PEBP4: variants seen among roughly 807,000 people sequenced by gnomAD.
PEBP4 encodes the protein phosphatidylethanolamine-binding protein 4.
In PEBP4, 22 loss-of-function variants were observed where a neutral mutation model predicts 23.9. The ratio of observed to expected loss-of-function variants is 0.92; its 90% confidence interval spans 0.66 to 1.31. The LOEUF is 1.31. Ranked by LOEUF, PEBP4 falls within the 40% of genes most tolerant of loss-of-function variation. The pLI is 0.00. For synonymous variants in PEBP4, 112 were observed against 99.3 expected (o/e 1.13, Z -0.76); for missense variants, 324 against 281.7 (o/e 1.15, Z -1.07).
chr8:22,906,932 A>T (rs1808829260), intron 3 of PEBP4, among the ~76,000 whole-genome samples: 1 of 152,236 alleles, frequency 6.6e-6, no homozygotes, highest in Non-Finnish European at 1.5e-5. Context: ...GAAGGTGGTG[A>T]AGGAAAGTGG....
In PEBP4 at chr8:22,920,299, A is replaced by T. The variant is rs962286835; in HGVS notation, c.143T>A (p.Val48Asp). 6.2e-7 allele frequency: 1 copy of T among 1,612,732 alleles called. No individual in the cohort carries two copies. Among genetic ancestry groups the T allele is most frequent in the African/African-American group, 1.3e-5 (1 of 74,862 alleles). Residue 48 changes from valine (V) to aspartate (D), a missense_variant, in exon 3 of 7, where the codon GTT becomes GAT. Val to Asp is a radical substitution (Grantham distance 152). Coordinates refer to ENST00000256404, the MANE Select transcript of PEBP4 (RefSeq NM_144962.3). The part of the protein sequence containing the change: ...EDTLFCQGLE[V>D]FYPELGNIGC... Reference sequence around the variant, plus strand: ...AATGTTCCCCAACTCTGGGTAGAAAACTTCAAGGCCCCTATGAAGAGAGAG... The same window carrying T: ...AATGTTCCCCAACTCTGGGTAGAAATCTTCAAGGCCCCTATGAAGAGAGAG...
intron 4 of PEBP4, among the ~76,000 whole-genome samples, chr8:22,751,969 G>A (rs1360102658): frequency 2.0e-5 from 3 of 152,100 alleles, no homozygotes; most frequent in South Asian, 4.1e-4. Flanking sequence ...TGATCATAGC[G>A]CACTGCAGCC....
rs187964501 is a variant in PEBP4 at position 22,815,641 on chromosome 8, C to T, written c.357+1996G>A. Among the ~76,000 whole-genome samples, 35 of 152,366 alleles carry T rather than the reference C, an allele frequency of 2.3e-4. No homozygotes were observed. In the East Asian group the frequency reaches 6.0e-3, roughly 26 times the overall value. On this transcript the variant is annotated intron_variant, in intron 4 of 6. Coordinates refer to ENST00000256404, the MANE Select transcript of PEBP4 (RefSeq NM_144962.3). Reference sequence around the variant, plus strand: ...GTGCAAATGTGACGGAAACCCGCGCCTCCTCCGGCCTGAGCGGGAAGGCCG... The same window carrying T: ...GTGCAAATGTGACGGAAACCCGCGCTTCCTCCGGCCTGAGCGGGAAGGCCG...
intron 3 of PEBP4, among the ~76,000 whole-genome samples, chr8:22,836,438 T>G (rs1227781383): frequency 6.6e-6 from 1 of 152,248 alleles, no homozygotes; most frequent in Non-Finnish European, 1.5e-5. Context: ...CTCTGGACAC[T>G]TGTGCAATTT....
chr8:22,854,458 C>G (rs1002208442), intron 3 of PEBP4, among the ~76,000 whole-genome samples: 7 of 152,146 alleles, frequency 4.6e-5, no homozygotes, highest in Non-Finnish European at 8.8e-5. Context: ...CCGTAGGGAC[C>G]AGTCTCAGGA....
intron 4 of PEBP4, among the ~76,000 whole-genome samples, chr8:22,761,058 C>G (rs1315704401): frequency 4.6e-5 from 7 of 151,814 alleles, no homozygotes; most frequent in Non-Finnish European, 1.0e-4. Flanking sequence ...CATCAGATCT[C>G]CATCTCCTCC....
At chr8:22,792,190 G>A (rs1367601954) in intron 4 of PEBP4, among the ~76,000 whole-genome samples, 1 of 152,132 alleles carries the variant, frequency 6.6e-6, no homozygotes, top group East Asian at 1.9e-4. Flanking sequence ...CCAAACACAT[G>A]TGAGGGAATC....
In PEBP4 at chr8:22,908,365, AAAACAAAC is replaced by A. The variant is rs752092032; in HGVS notation, c.258+11811_258+11818del. The stretch of plus-strand genomic sequence containing the variant: ...AGTGTGGGTCATGGAGGCCAAGGGG[AAAACAAAC>A]AAACAAACAAACAAACAAACAAAAA... On this transcript the variant is annotated intron_variant, in intron 3 of 6. Transcript: ENST00000256404. Among the ~76,000 whole-genome samples, 199 of 150,682 alleles carry A rather than the reference AAAACAAAC, an allele frequency of 1.3e-3. 2 individuals are homozygous for A. Among genetic ancestry groups the A allele is most frequent in the African/African-American group, 4.5e-3 (183 of 40,838 alleles).
chr8:22,927,985 T>C (rs1326434486), upstream of PEBP4: 2 of 420,702 alleles, frequency 4.8e-6, no homozygotes, highest in Non-Finnish European at 4.3e-6. Context: ...CACAGCTTTG[T>C]TGTCACTCTT....
chr8:22,794,103 A>G (rs911520256), intron 4 of PEBP4, among the ~76,000 whole-genome samples: 14 of 152,004 alleles, frequency 9.2e-5, no homozygotes, highest in African/African-American at 3.1e-4. Flanking sequence ...ATATCTTTAT[A>G]TTGTATTTCT....
chr8:22,714,819 C>G (rs1204289113), intron 6 of PEBP4, among the ~76,000 whole-genome samples: 1 of 152,194 alleles, frequency 6.6e-6, no homozygotes, highest in African/African-American at 2.4e-5. Context: ...TGAAGCGTTG[C>G]TGCCTCCCAG....
intron 4 of PEBP4, among the ~76,000 whole-genome samples, chr8:22,744,386 C>A (rs1805066313): frequency 6.6e-6 from 1 of 152,196 alleles, no homozygotes; most frequent in East Asian, 1.9e-4. Flanking sequence ...TGGACAGGAG[C>A]CACAGGCCAC....
rs150434574 is a variant in PEBP4, at chr8:22,817,661, T to A, written c.333A>T (p.Arg111Ser). 96 of 1,614,078 alleles carry A rather than the reference T, an allele frequency of 5.9e-5. No individual in the cohort carries two copies. In the African/African-American group the frequency reaches 1.3e-3, roughly 21 times the overall value. Reference protein sequence around the residue: ...SRAEPRQRFWRHWLVTDIKGA... With the variant: ...SRAEPRQRFWSHWLVTDIKGA... ...CCTTGATATCTGTTACCAGCCAATGTCTCCAGAATCTCTGTCTGGGTTCTG... is the reference window on the plus strand; with the variant it reads ...CCTTGATATCTGTTACCAGCCAATGACTCCAGAATCTCTGTCTGGGTTCTG... Residue 111 changes from arginine (R) to serine (S), a missense_variant, in exon 4 of 7, where the codon AGA becomes AGT. Arg to Ser is a moderately radical substitution (Grantham distance 110). Transcript: ENST00000256404.
At chr8:22,861,146 C>G (rs1807771564) in intron 3 of PEBP4, among the ~76,000 whole-genome samples, 2 of 152,212 alleles carry the variant, frequency 1.3e-5, no homozygotes, top group African/African-American at 4.8e-5. Context: ...AGAGCTGTTA[C>G]TTGGTTTTTG....
At chr8:22,741,417 T>C (rs936351811) in intron 4 of PEBP4, among the ~76,000 whole-genome samples, 1 of 152,202 alleles carries the variant, frequency 6.6e-6, no homozygotes, top group African/African-American at 2.4e-5. Context: ...CTCATTCTGT[T>C]GTGGCACTTT....
intron 4 of PEBP4, among the ~76,000 whole-genome samples, chr8:22,734,409 C>G (rs1024586505): frequency 6.6e-6 from 1 of 152,214 alleles, no homozygotes; most frequent in Non-Finnish European, 1.5e-5. Flanking sequence ...CTCCTGGGAG[C>G]TGAGTACTTC....
intron 3 of PEBP4, among the ~76,000 whole-genome samples, chr8:22,914,704 C>G (rs935197602): frequency 6.6e-6 from 1 of 152,234 alleles, no homozygotes; most frequent in Non-Finnish European, 1.5e-5. Context: ...GGTGCCCAGC[C>G]CTGCCTTCTC....
intron 3 of PEBP4, chr8:22,879,293 C>T (rs1388346398): frequency 6.6e-6 from 1 of 152,196 alleles, no homozygotes; most frequent in Non-Finnish European, 1.5e-5. Flanking sequence ...CCCACCAGGC[C>T]GTGAGCGCCC....
intron 4 of PEBP4, among the ~76,000 whole-genome samples, chr8:22,773,820 T>C (rs943515210): frequency 2.0e-5 from 3 of 152,116 alleles, no homozygotes; most frequent in Non-Finnish European, 2.9e-5. Context: ...GTGGGGGTCC[T>C]TGCTTTACCT....
Sources: gnomAD v4.1 joint callset for allele counts (sites outside exome capture counted in the v4.1 genomes callset) on GRCh38, gnomAD v4.1.1 for gene constraint, MANE v1.5 for transcripts, NCBI Gene and HGNC (gene_info 2026-07-23, HGNC 2026-07-21) for gene names.